Variants in ACACA observed in about 807,000 individuals in gnomAD.
ACACA encodes acetyl-CoA carboxylase alpha, also known as acetyl-CoA carboxylase 1.
In ACACA, 103 loss-of-function variants were observed where a neutral mutation model predicts 296.1. That is an observed-to-expected ratio of 0.35 (90% confidence interval 0.30 to 0.41). The LOEUF is 0.41. Among genes scored for constraint, ACACA ranks in the 10% least tolerant of loss-of-function variants. The pLI, the probability that ACACA is intolerant of heterozygous loss-of-function variation, is 1.00. For missense variants in ACACA, 1,554 were observed against 2,989.7 expected, an observed-to-expected ratio of 0.52 and a Z score of 11.20; for synonymous variants, 953 against 1,038.6, an observed-to-expected ratio of 0.92 and a Z score of 1.58.
In ACACA at chr17:37,394,069, G is replaced by A. The variant is rs889312073; in HGVS notation, c.38+12193C>T. Among the ~76,000 whole-genome samples, 3 of 152,054 alleles carry A rather than the reference G, an allele frequency of 2.0e-5. No homozygotes were observed. The East Asian group carries it at 5.8e-4, about 29-fold the overall frequency. Reference sequence around the variant, plus strand: ...AAGGAGAACTCCTGTGTGGGCTTTGGGATGTGGATCTGCAGATCACTTCAG... The same window carrying A: ...AAGGAGAACTCCTGTGTGGGCTTTGAGATGTGGATCTGCAGATCACTTCAG... On this transcript the variant is annotated intron_variant, in intron 1 of 55. Coordinates refer to ENST00000616317, the MANE Select transcript of ACACA (RefSeq NM_198834.3).
intron 1 of ACACA, chr17:37,345,287 C>G (rs570611017): frequency 6.6e-6 from 1 of 152,224 alleles, no homozygotes; most frequent in African/African-American, 2.4e-5. Context: ...CTCCTGACCT[C>G]GTGATCCACC....
intron 1 of ACACA, among the ~76,000 whole-genome samples, chr17:37,369,717 GT>G (rs1403642288): frequency 1.3e-5 from 2 of 150,736 alleles, no homozygotes; most frequent in African/African-American, 4.9e-5. Flanking sequence ...TTTTTGTTTT[GT>G]TTTTGAGATG....
intron 47 of ACACA, 88 bp downstream of exon 47, chr17:37,129,275 CAT>C (rs995911052): frequency 7.9e-5 from 123 of 1,550,062 alleles, no homozygotes; most frequent in Non-Finnish European, 1.0e-4. Flanking sequence ...TTCTTAGTCA[CAT>C]GTGATTGTTC....
intron 41 of ACACA, among the ~76,000 whole-genome samples, chr17:37,173,519 A>C (rs547550265): frequency 2.6e-5 from 4 of 152,152 alleles, no homozygotes; most frequent in Admixed American, 6.6e-5. Flanking sequence ...AGTAACATGT[A>C]AGTGAGGAGC....
chr17:37,116,876 T>C (rs2074281964), intron 50 of ACACA, among the ~76,000 whole-genome samples: 1 of 152,164 alleles, frequency 6.6e-6, no homozygotes, highest in Admixed American at 6.5e-5. Flanking sequence ...TAGAAATCAG[T>C]CTACAGAATT....
At chr17:37,234,253 A>G (rs2080004518) in intron 25 of ACACA, among the ~76,000 whole-genome samples, 1 of 152,180 alleles carries the variant, frequency 6.6e-6, no homozygotes, top group Admixed American at 6.5e-5. Context: ...GTCCTACTGT[A>G]CTAATTCCTA....
chr17:37,095,350 C>T (rs570705481), intron 54 of ACACA, among the ~76,000 whole-genome samples: 19 of 152,346 alleles, frequency 1.2e-4, no homozygotes, highest in African/African-American at 4.6e-4. Flanking sequence ...TGACCTTAAC[C>T]TGAACCAAAT....
chr17:37,094,147 C>T (rs545481965), intron 54 of ACACA, among the ~76,000 whole-genome samples: 40 of 152,254 alleles, frequency 2.6e-4, no homozygotes, highest in African/African-American at 7.9e-4. Context: ...TTGTTATTTT[C>T]GTTAAGGAGC....
At chr17:37,336,903 T>C (rs919883833) in intron 2 of ACACA, among the ~76,000 whole-genome samples, 1 of 152,196 alleles carries the variant, frequency 6.6e-6, no homozygotes, top group Admixed American at 6.5e-5. Context: ...AAATTACATA[T>C]GCACGATTGT....
intron 3 of ACACA, among the ~76,000 whole-genome samples, chr17:37,314,358 C>T (rs2046984902): frequency 1.3e-5 from 2 of 152,120 alleles, no homozygotes; most frequent in South Asian, 4.1e-4. Context: ...CTCAGCCTCC[C>T]AAAGTGCTGG....
At chr17:37,239,573 G>A (rs1030198100) in intron 24 of ACACA, among the ~76,000 whole-genome samples, 1 of 152,172 alleles carries the variant, frequency 6.6e-6, no homozygotes, top group African/African-American at 2.4e-5. Context: ...AGTTTGTCAT[G>A]AATGGATGTT....
intron 1 of ACACA, among the ~76,000 whole-genome samples, chr17:37,350,770 C>T (rs1055147121): frequency 9.4e-5 from 14 of 149,708 alleles, no homozygotes; most frequent in Admixed American, 4.7e-4. Flanking sequence ...ACCTGGGAGG[C>T]GGAGGTTGTG....
intron 37 of ACACA, among the ~76,000 whole-genome samples, chr17:37,191,742 C>T (rs1313299912): frequency 6.6e-6 from 1 of 152,128 alleles, no homozygotes; most frequent in Non-Finnish European, 1.5e-5. Flanking sequence ...TATGCTCTAC[C>T]ATCACCCAAT....
intron 42 of ACACA, among the ~76,000 whole-genome samples, chr17:37,157,756 G>C (rs1053223162): frequency 4.6e-5 from 7 of 151,790 alleles, no homozygotes; most frequent in Non-Finnish European, 8.8e-5. Flanking sequence ...GGCTGTTCTC[G>C]AACTCCTGAC....
At position 37,406,570 on chromosome 17, in the gene ACACA, G is replaced by T. The variant is rs1053461407; in HGVS notation, c.-271C>A. On this transcript the variant is annotated 5_prime_UTR_variant, in exon 1 of 56. It adds an upstream start codon to the 5' untranslated region. Transcript: ENST00000616317. ...GGAACGTTATCCCCAAACCCAGGCA[G>T]TCCCGGCTCGGCCCGCCTCACCGCA... The T allele has an allele frequency of 1.1e-4, 66 of 583,742 alleles. No individual in the cohort carries two copies. The highest frequency in any genetic ancestry group is 4.5e-4 in the Middle Eastern group (1 of 2,210). The allele number at this position is 583,742 out of a possible 1,614,324, so 36.2% of individuals were successfully genotyped here. A position where few individuals can be genotyped will look rare whatever the true frequency, so the allele number is the denominator to read the frequency against.
chr17:37,301,382 T>C, intron 3 of ACACA: 1 of 985,312 alleles, frequency 1.0e-6, no homozygotes, highest in East Asian at 1.1e-4. Flanking sequence ...GACACATACC[T>C]GGCACAAAAT....
intron 1 of ACACA, among the ~76,000 whole-genome samples, chr17:37,347,392 C>T (rs760400677): frequency 6.6e-6 from 1 of 152,088 alleles, no homozygotes; most frequent in Non-Finnish European, 1.5e-5. Flanking sequence ...AATACAAGGG[C>T]TCAAGTGATC....
At chr17:37,176,968 A>G (rs186965151) in intron 41 of ACACA, among the ~76,000 whole-genome samples, 1 of 152,322 alleles carries the variant, frequency 6.6e-6, no homozygotes, top group East Asian at 1.9e-4. Flanking sequence ...CTCAGCCTCA[A>G]TCCTAGTCAA....
intron 52 of ACACA, among the ~76,000 whole-genome samples, chr17:37,106,233 G>A (rs1322284471): frequency 6.6e-6 from 1 of 152,026 alleles, no homozygotes; most frequent in Non-Finnish European, 1.5e-5. Flanking sequence ...TTGAAAAACT[G>A]CGTAAATCAG....
Sources: allele counts gnomAD v4.1 joint callset (sites outside exome capture counted in the v4.1 genomes callset), GRCh38; gene constraint gnomAD v4.1.1; transcripts MANE v1.5; gene names NCBI Gene and HGNC (gene_info 2026-07-23, HGNC 2026-07-21).